The following GLCCI1 variants were observed in gnomAD, a reference collection of about 807,000 sequenced individuals.
The protein encoded by GLCCI1 is glucocorticoid induced 1.
A neutral mutation model predicts 52.2 loss-of-function variants in GLCCI1; 24 were observed. The ratio of observed to expected loss-of-function variants is 0.46; its 90% CI spans 0.33 to 0.65. GLCCI1 has a LOEUF of 0.65. Among genes scored for constraint, GLCCI1 ranks in the 30% least tolerant of loss-of-function variants. The pLI, the probability that GLCCI1 is intolerant of heterozygous loss-of-function variation, is 0.02. For missense variants in GLCCI1, 704 were observed against 701.5 expected (o/e 1.00, Z -0.04); for synonymous variants, 310 against 276.5 (o/e 1.12, Z -1.20).
intron 6 of GLCCI1, among the ~76,000 whole-genome samples, chr7:8,082,131 ATGT>A (rs1303947422): frequency 6.6e-6 from 1 of 152,190 alleles, no homozygotes; most frequent in African/African-American, 2.4e-5. Context: ...TATATTTATA[ATGT>A]TGTTATTGAA....
At chr7:8,011,205 G>A (rs899512301) in intron 2 of GLCCI1, among the ~76,000 whole-genome samples, 2 of 152,004 alleles carry the variant, frequency 1.3e-5, no homozygotes, top group Admixed American at 6.6e-5. Context: ...AGCATTAAGT[G>A]CATTCACATT....
chr7:8,053,335 G>GTTTTTTT (rs369225877), intron 3 of GLCCI1, among the ~76,000 whole-genome samples: 2 of 134,036 alleles, frequency 1.5e-5, no homozygotes, highest in African/African-American at 2.8e-5. Flanking sequence ...TTGTTTGTTT[G>GTTTTTTT]TTTGTTTTGA....
rs190232569 is a variant in GLCCI1 at position 8,076,025 on chromosome 7, T to C, written c.1177+4894T>C. Among the ~76,000 whole-genome samples, 11 of 152,370 alleles carry C rather than the reference T, an allele frequency of 7.2e-5. No homozygotes were observed. The East Asian group carries it at 1.7e-3, about 24-fold the overall frequency. ...TCTTTTCAGGGTCTAGGGTTGACCC[T>C]AGGCAGACTTTTGAAACAGACTGCT... On this transcript the variant is annotated intron_variant, in intron 6 of 7. Coordinates refer to ENST00000223145, the MANE Select transcript of GLCCI1 (RefSeq NM_138426.4).
intron 1 of GLCCI1, chr7:7,980,614 C>A: frequency 1.3e-6 from 1 of 772,298 alleles, no homozygotes. Flanking sequence ...GTATGGTGAT[C>A]AAGCAAGCTT....
intron 4 of GLCCI1, among the ~76,000 whole-genome samples, chr7:8,056,912 G>A (rs1292562426): frequency 6.6e-6 from 1 of 152,152 alleles, no homozygotes; most frequent in Admixed American, 6.5e-5. Context: ...TGATTTAGAT[G>A]TTCTAGAAAC....
At chr7:8,042,233 T>G (rs1782016939) in intron 3 of GLCCI1, among the ~76,000 whole-genome samples, 1 of 152,228 alleles carries the variant, frequency 6.6e-6, no homozygotes, top group Middle Eastern at 3.2e-3. Flanking sequence ...ATTTCAATCT[T>G]CAATTCTTAT....
In GLCCI1 at chr7:8,087,410, A is replaced by G. The variant is rs1783139405; in HGVS notation, c.*872A>G. The G allele has an allele frequency of 2.0e-5, 3 of 152,670 alleles. No homozygotes were observed. In the South Asian group the frequency reaches 6.2e-4, roughly 32 times the overall value. The allele number at this position is 152,670 out of a possible 1,614,324, so 9.5% of individuals were successfully genotyped here. On this transcript the variant is annotated 3_prime_UTR_variant, in exon 8 of 8. Coordinates refer to ENST00000223145, the MANE Select transcript of GLCCI1 (RefSeq NM_138426.4). ...AAAGGACTGTGACAATGTTGCAAAT[A>G]AAGTGTTCAGTACTGGACTGTACAT...
chr7:8,061,218 G>C (rs1782507329), intron 5 of GLCCI1, among the ~76,000 whole-genome samples: 1 of 151,340 alleles, frequency 6.6e-6, no homozygotes, highest in African/African-American at 2.4e-5. Context: ...TCCTGCCTCA[G>C]CCTCCCGAGT....
chr7:8,037,290 G>T (rs1033442654), intron 3 of GLCCI1, among the ~76,000 whole-genome samples: 1 of 152,160 alleles, frequency 6.6e-6, no homozygotes, highest in Non-Finnish European at 1.5e-5. Context: ...TTGTATGCTG[G>T]TAAACTCAGC....
intron 1 of GLCCI1, among the ~76,000 whole-genome samples, chr7:7,982,609 A>G (rs79626426): frequency 4.6e-4 from 70 of 152,294 alleles, no homozygotes; most frequent in African/African-American, 1.6e-3. Context: ...AATATTGCCT[A>G]TACTTTAGAA....
chr7:7,985,209 C>A (rs60466842), intron 1 of GLCCI1, among the ~76,000 whole-genome samples: 15,518 of 151,754 alleles, frequency 0.1, 889 homozygotes, highest in East Asian at 0.23. Flanking sequence ...CTTAAGGACC[C>A]AGGGAAATGT....
intron 3 of GLCCI1, among the ~76,000 whole-genome samples, chr7:8,032,694 C>G (rs983575138): frequency 2.0e-5 from 3 of 151,748 alleles, no homozygotes; most frequent in African/African-American, 7.3e-5. Context: ...GTATAAAGTG[C>G]CAAAGCTGAC....
rs1233062688 is a variant in GLCCI1, at chr7:8,026,163, TTGAC to T, written c.696+3598_696+3601del. ...AAAGGACATAAATTATAGTTTCTAT[TTGAC>T]TGATATTAAGTATTATTGTGATATA... is the stretch of plus-strand genomic sequence containing the variant. On this transcript the variant is annotated intron_variant, in intron 3 of 7. Coordinates refer to ENST00000223145, the MANE Select transcript of GLCCI1 (RefSeq NM_138426.4). 2.0e-5 allele frequency among the ~76,000 whole-genome samples: 3 copies of T among 152,284 alleles called. No homozygotes were observed. The South Asian group carries it at 6.2e-4, about 32-fold the overall frequency.
chr7:7,989,197 A>G (rs1354988343), intron 1 of GLCCI1, among the ~76,000 whole-genome samples: 2 of 152,298 alleles, frequency 1.3e-5, no homozygotes, highest in East Asian at 1.9e-4. Flanking sequence ...AGCGGCTAGC[A>G]TTACCACCCT....
intron 3 of GLCCI1, among the ~76,000 whole-genome samples, chr7:8,038,801 A>G (rs2191321): frequency 0.41 from 61,741 of 151,994 alleles, 12,765 homozygotes; most frequent in Middle Eastern, 0.51. Context: ...ATGTAGCAAA[A>G]TAAATAACAG....
At chr7:8,055,368 A>T (rs1374004923) in intron 3 of GLCCI1, 65 bp from the exon 4 acceptor site, 7 of 946,324 alleles carry the variant, frequency 7.4e-6, no homozygotes, top group Non-Finnish European at 9.8e-6. Flanking sequence ...AAACTGAAGA[A>T]ATAAATATAA....
At chr7:8,003,179 C>T (rs751678144) in intron 1 of GLCCI1, among the ~76,000 whole-genome samples, 7 of 152,000 alleles carry the variant, frequency 4.6e-5, no homozygotes, top group African/African-American at 1.4e-4. Context: ...CTTAGGGTGC[C>T]ATGAAAGCAG....
chr7:8,002,846 T>A (rs190739838), intron 1 of GLCCI1, among the ~76,000 whole-genome samples: 265 of 149,320 alleles, frequency 1.8e-3, no homozygotes, highest in African/African-American at 5.9e-3. Flanking sequence ...TCAGTGTGAT[T>A]AATTTTTAAC....
At chr7:8,056,675 C>G (rs1270655949) in intron 4 of GLCCI1, among the ~76,000 whole-genome samples, 1 of 152,104 alleles carries the variant, frequency 6.6e-6, no homozygotes, top group Non-Finnish European at 1.5e-5. Flanking sequence ...TTCATTGCAT[C>G]AGAAAACCAA....
Sources: gnomAD v4.1 joint callset for allele counts (sites outside exome capture counted in the v4.1 genomes callset) on GRCh38, gnomAD v4.1.1 for gene constraint, MANE v1.5 for transcripts, NCBI Gene and HGNC (gene_info 2026-07-23, HGNC 2026-07-21) for gene names.